The following FOXP1 variants were observed in gnomAD, a reference collection of about 807,000 sequenced individuals.
The protein encoded by FOXP1 is forkhead box P1.
In FOXP1, 15 loss-of-function variants were observed where a neutral mutation model predicts 98.2. The observed-to-expected ratio is 0.15, with a 90% CI of 0.10 to 0.24. FOXP1 has a LOEUF of 0.24. Among genes scored for constraint, FOXP1 ranks in the 10% least tolerant of loss-of-function variants. The pLI is 1.00. For synonymous variants in FOXP1, 371 were observed against 314.5 expected, an observed-to-expected ratio of 1.18 and a Z score of -1.90; for missense variants, 633 against 848.5, an observed-to-expected ratio of 0.75 and a Z score of 3.15.
Position 71,401,031 on chromosome 3 carries a change from G to A in FOXP1, c.-167-41787C>T, listed in dbSNP as rs1172289703. ...CATCAGTCTGTCTCTTGTCTAAGAC[G>A]AGTCCTTCCGTACGGGAGTCTCCTC... On this transcript the variant is annotated intron_variant, in intron 3 of 20. Coordinates refer to ENST00000649528, the MANE Select transcript of FOXP1 (RefSeq NM_001349338.3). Among the ~76,000 whole-genome samples, 10 of 152,200 alleles carry A rather than the reference G, an allele frequency of 6.6e-5. No individual in the cohort carries two copies. In the East Asian group the frequency reaches 1.5e-3, roughly 24 times the overall value.
chr3:71,562,479 T>C (rs62244890), intron 2 of FOXP1, among the ~76,000 whole-genome samples: 44,721 of 152,074 alleles, frequency 0.29, 8,125 homozygotes, highest in Non-Finnish European at 0.41. Context: ...AACTATGTGT[T>C]GGGCTGGATT....
At chr3:71,246,817 A>T (rs1241267310) in intron 5 of FOXP1, among the ~76,000 whole-genome samples, 1 of 152,226 alleles carries the variant, frequency 6.6e-6, no homozygotes. Context: ...CATCGTATAG[A>T]CAATTTCATG....
At chr3:71,499,933 AAAT>A (rs201777301) in intron 2 of FOXP1, among the ~76,000 whole-genome samples, 2 of 152,242 alleles carry the variant, frequency 1.3e-5, no homozygotes, top group African/African-American at 4.8e-5. Flanking sequence ...TCTGTTTTTA[AAAT>A]AATAATAATA....
chr3:71,566,574 A>C (rs1174782783), intron 2 of FOXP1, among the ~76,000 whole-genome samples: 1 of 152,252 alleles, frequency 6.6e-6, no homozygotes, highest in East Asian at 1.9e-4. Flanking sequence ...GAAAATAGAT[A>C]GGAATGCTCT....
intron 6 of FOXP1, among the ~76,000 whole-genome samples, chr3:71,145,496 C>T (rs1312060695): frequency 6.6e-6 from 1 of 152,096 alleles, no homozygotes; most frequent in South Asian, 2.1e-4. Flanking sequence ...GAGCTGAGAT[C>T]GTACCACTGC....
chr3:71,504,989 C>T (rs532450426), intron 2 of FOXP1, among the ~76,000 whole-genome samples: 2 of 152,116 alleles, frequency 1.3e-5, no homozygotes, highest in Non-Finnish European at 1.5e-5. Flanking sequence ...TACAGATGAA[C>T]GAACCAAGGC....
intron 5 of FOXP1, among the ~76,000 whole-genome samples, chr3:71,217,257 G>C (rs1361384922): frequency 6.6e-6 from 1 of 152,000 alleles, no homozygotes; most frequent in Non-Finnish European, 1.5e-5. Flanking sequence ...ATTTTTAGTA[G>C]AGATGGGGTT....
intron 13 of FOXP1, among the ~76,000 whole-genome samples, chr3:70,991,533 T>C (rs1380674702): frequency 1.3e-5 from 2 of 152,196 alleles, no homozygotes; most frequent in Non-Finnish European, 2.9e-5. Context: ...TCATTTAACA[T>C]CACCATTTTC....
At chr3:71,366,630 GT>G (rs2078947857) in intron 3 of FOXP1, among the ~76,000 whole-genome samples, 1 of 152,034 alleles carries the variant, frequency 6.6e-6, no homozygotes, top group African/African-American at 2.4e-5. Context: ...TGAAACAATG[GT>G]TTTGACTTTA....
At chr3:71,446,143 C>T (rs1028611362) in intron 3 of FOXP1, among the ~76,000 whole-genome samples, 4 of 152,124 alleles carry the variant, frequency 2.6e-5, no homozygotes, top group Non-Finnish European at 5.9e-5. Flanking sequence ...AGTTCTTGCC[C>T]TTCTCTGAGA....
At chr3:71,093,505 G>T (rs2056123684) in intron 7 of FOXP1, among the ~76,000 whole-genome samples, 1 of 141,220 alleles carries the variant, frequency 7.1e-6, no homozygotes, top group Non-Finnish European at 1.6e-5. Context: ...CCCAGTTTAG[G>T]AACAGAACTT....
At chr3:71,107,999 A>G (rs1292322261) in intron 7 of FOXP1, among the ~76,000 whole-genome samples, 1 of 152,200 alleles carries the variant, frequency 6.6e-6, no homozygotes, top group Admixed American at 6.5e-5. Flanking sequence ...CTTTCCCTGC[A>G]GTGAAATGGC....
chr3:71,279,996 G>A (rs892583029), intron 5 of FOXP1, among the ~76,000 whole-genome samples: 4 of 151,724 alleles, frequency 2.6e-5, no homozygotes, highest in Non-Finnish European at 4.4e-5. Flanking sequence ...GGTGATGGGC[G>A]CCTGTAGTCC....
chr3:71,568,393 G>C (rs2047081322), intron 2 of FOXP1, among the ~76,000 whole-genome samples: 2 of 152,166 alleles, frequency 1.3e-5, no homozygotes, highest in African/African-American at 2.4e-5. Context: ...TTGGTGCAGA[G>C]AAACAAAGCC....
At chr3:71,507,915 G>A (rs2041942332) in intron 2 of FOXP1, among the ~76,000 whole-genome samples, 1 of 152,206 alleles carries the variant, frequency 6.6e-6, no homozygotes, top group Admixed American at 6.5e-5. Flanking sequence ...AGTACTTACT[G>A]TGTGCCAGCT....
intron 2 of FOXP1, among the ~76,000 whole-genome samples, chr3:71,575,530 C>T (rs1056676068): frequency 6.6e-6 from 1 of 152,198 alleles, no homozygotes; most frequent in African/African-American, 2.4e-5. Flanking sequence ...TTAGGACCAA[C>T]TGCAACCTCC....
At chr3:71,308,806 T>TGTGTGG in intron 4 of FOXP1, among the ~76,000 whole-genome samples, 1 of 122,696 alleles carries the variant, frequency 8.2e-6, no homozygotes, top group African/African-American at 2.9e-5. Flanking sequence ...TGTGTGTGTG[T>TGTGTGG]GGGTGAGGGG....
chr3:71,062,742 T>G lies in FOXP1; in HGVS notation c.283-8969A>C, dbSNP rs138101598. Among the ~76,000 whole-genome samples the G allele has an allele frequency of 2.3e-3, 349 of 152,304 alleles. 1 individual carries two copies. The highest frequency in any genetic ancestry group is 8.0e-3 in the African/African-American group (331 of 41,566). ...ACTTTTCGTCAGACAAGCTGCACAT[T>G]TGGGCAGGAAACAAAGTTCTTAAGG... On this transcript the variant is annotated intron_variant, in intron 7 of 20. Coordinates refer to ENST00000649528, the MANE Select transcript of FOXP1 (RefSeq NM_001349338.3).
Position 70,975,522 on chromosome 3 carries a change from T to C in FOXP1, c.1530+1419A>G, listed in dbSNP as rs538730954. 3.3e-5 allele frequency among the ~76,000 whole-genome samples: 5 copies of C among 152,386 alleles called. No individual in the cohort carries two copies. The East Asian group carries it at 9.6e-4, about 29-fold the overall frequency. On this transcript the variant is annotated intron_variant, in intron 17 of 20. Transcript: ENST00000649528. ...ACTTAACAGAGGAAATGTATTTTTC[T>C]GTCTTTTGCTTTGGTTTTTCTCCGG...
Sources: allele counts gnomAD v4.1 joint callset (sites outside exome capture counted in the v4.1 genomes callset), GRCh38; gene constraint gnomAD v4.1.1; transcripts MANE v1.5; gene names NCBI Gene and HGNC (gene_info 2026-07-23, HGNC 2026-07-21).